TNS3: variants seen among roughly 807,000 people sequenced by gnomAD.
The protein encoded by TNS3 is tensin 3.
TNS3 carries 45 observed loss-of-function variants against 140.9 expected under a neutral mutation model. The observed-to-expected ratio is 0.32, with a 90% CI of 0.25 to 0.41. The LOEUF (loss-of-function observed/expected upper bound fraction) is 0.41, where lower values mean the gene tolerates loss of function less well. Among genes scored for constraint, TNS3 ranks in the 10% least tolerant of loss-of-function variants. The probability of loss-of-function intolerance (pLI) is 1.00; values close to 1 mark genes in which losing one functional copy is unlikely to be tolerated. For missense variants in TNS3, 1,716 were observed against 1,906.7 expected (o/e 0.90, Z 1.86); for synonymous variants, 815 against 788.4 (o/e 1.03, Z -0.56).
intron 20 of TNS3, among the ~76,000 whole-genome samples, chr7:47,336,945 C>T (rs1788666872): frequency 6.6e-6 from 1 of 152,120 alleles, no homozygotes; most frequent in Non-Finnish European, 1.5e-5. Flanking sequence ...TAGGCCTCAA[C>T]ATTGGCCTTC....
chr7:47,349,180 A>G (rs529952021), intron 17 of TNS3, among the ~76,000 whole-genome samples: 1 of 152,344 alleles, frequency 6.6e-6, no homozygotes, highest in Non-Finnish European at 1.5e-5. Context: ...TTACAACGAA[A>G]AACAATGTTC....
intron 15 of TNS3, among the ~76,000 whole-genome samples, chr7:47,399,593 A>G (rs1473382672): frequency 2.6e-5 from 4 of 152,242 alleles, no homozygotes; most frequent in Non-Finnish European, 4.4e-5. Context: ...TATTTAACAA[A>G]TGGTGCTGGG....
In TNS3 at chr7:47,504,778, T is replaced by A. The variant is rs116928833; in HGVS notation, c.-115+2129A>T. Among the ~76,000 whole-genome samples, 1,400 of 152,262 alleles carry A rather than the reference T, an allele frequency of 9.2e-3. 6 individuals carry two copies. The highest frequency in any genetic ancestry group is 0.017 in the Middle Eastern group (5 of 294). On this transcript the variant is annotated intron_variant, in intron 3 of 30. Coordinates refer to ENST00000311160, the MANE Select transcript of TNS3 (RefSeq NM_022748.12). ...ATCCCCAACAACGACGGCATTATAT[T>A]TTTGGAATGAGAAGGTGCTTTGTTA...
intron 20 of TNS3, among the ~76,000 whole-genome samples, chr7:47,342,246 A>G (rs1458327866): frequency 2.6e-5 from 4 of 152,180 alleles, no homozygotes; most frequent in African/African-American, 9.6e-5. Flanking sequence ...CCAAGGTTTT[A>G]AGTTGTACTT....
At chr7:47,523,653 T>A (rs1334432336) in intron 2 of TNS3, among the ~76,000 whole-genome samples, 2 of 152,164 alleles carry the variant, frequency 1.3e-5, no homozygotes, top group Non-Finnish European at 2.9e-5. Context: ...GCGGTGGCCC[T>A]CCTTCCTCCA....
rs1793530567 is a variant in TNS3 at position 47,407,806 on chromosome 7, A to G, written c.723+3921T>C. On this transcript the variant is annotated intron_variant, in intron 13 of 30. Transcript: ENST00000311160. This position sits in a 1 kb window ranked among gnomAD's most constrained non-coding sequence, Gnocchi z 4.1. Reference sequence around the variant, plus strand: ...GTGAGGACACAGGGAGAAGACAGCCACCTCCAGGTCAAGGAGAGAGGCCTC... The same window carrying G: ...GTGAGGACACAGGGAGAAGACAGCCGCCTCCAGGTCAAGGAGAGAGGCCTC... Among the ~76,000 whole-genome samples the G allele has an allele frequency of 6.6e-6, 1 of 152,132 alleles. No homozygotes were observed. Among genetic ancestry groups the G allele is most frequent in the Non-Finnish European group, 1.5e-5 (1 of 68,000 alleles).
intron 16 of TNS3, among the ~76,000 whole-genome samples, chr7:47,388,143 T>A (rs1792179384): frequency 1.3e-5 from 2 of 152,166 alleles, no homozygotes; most frequent in Non-Finnish European, 2.9e-5. Flanking sequence ...CATCTGGGAA[T>A]AGGGGCTTGA....
At chr7:47,293,689 CTCATGAGTTCAGA>C in intron 25 of TNS3, 31 bp downstream of exon 25, 1 of 1,568,764 alleles carries the variant, frequency 6.4e-7, no homozygotes, top group South Asian at 1.1e-5. Context: ...GAATCCAGGC[CTCATGAGTTCAGA>C]ACATTGACAG....
intron 1 of TNS3, among the ~76,000 whole-genome samples, chr7:47,537,336 C>T (rs1363519827): frequency 6.6e-6 from 1 of 152,174 alleles, no homozygotes; most frequent in Non-Finnish European, 1.5e-5. Flanking sequence ...AGTCAGACGC[C>T]GGGAACAAAA....
intron 16 of TNS3, among the ~76,000 whole-genome samples, chr7:47,388,355 C>T (rs909975487): frequency 3.9e-5 from 6 of 152,176 alleles, no homozygotes; most frequent in Non-Finnish European, 8.8e-5. Flanking sequence ...TCAGGGAATC[C>T]ACCAACAGAA....
intron 17 of TNS3, among the ~76,000 whole-genome samples, chr7:47,366,516 C>T (rs999374224): frequency 2.0e-5 from 3 of 152,190 alleles, no homozygotes; most frequent in African/African-American, 4.8e-5. Context: ...TTCACAGAGA[C>T]GCTGCCCTTT....
At chr7:47,319,582 C>T (rs1787610509) in intron 20 of TNS3, among the ~76,000 whole-genome samples, 1 of 152,150 alleles carries the variant, frequency 6.6e-6, no homozygotes, top group South Asian at 2.1e-4. Context: ...TCAATGACTG[C>T]ACCATGGAAG....
At chr7:47,441,074 AAAGAT>A (rs1158145877) in intron 5 of TNS3, among the ~76,000 whole-genome samples, 2 of 152,346 alleles carry the variant, frequency 1.3e-5, no homozygotes, top group South Asian at 4.1e-4. Flanking sequence ...TTTATTTCTA[AAAGAT>A]AAGGGCACTT....
rs145677778 is a variant in TNS3 at position 47,414,354 on chromosome 7, G to A, written c.587-357C>T. Among the ~76,000 whole-genome samples the A allele has an allele frequency of 8.0e-3, 1,219 of 152,332 alleles. 17 individuals carry two copies. Among genetic ancestry groups the A allele is most frequent in the African/African-American group, 0.028 (1,171 of 41,570 alleles). ...AGAGACAATAGAAACCTCTGAGCAAGCACCTGCATGCGACTGGCGAGGAAG... is the reference window on the plus strand; with the variant it reads ...AGAGACAATAGAAACCTCTGAGCAAACACCTGCATGCGACTGGCGAGGAAG... On this transcript the variant is annotated intron_variant, in intron 11 of 30. Coordinates refer to ENST00000311160, the MANE Select transcript of TNS3 (RefSeq NM_022748.12).
chr7:47,440,235 C>A (rs1438885955), intron 5 of TNS3, among the ~76,000 whole-genome samples: 1 of 152,236 alleles, frequency 6.6e-6, no homozygotes, highest in East Asian at 1.9e-4. Flanking sequence ...GAGGACCCTG[C>A]AGGCCCAAGA....
intron 20 of TNS3, among the ~76,000 whole-genome samples, chr7:47,329,415 G>A (rs547455797): frequency 2.6e-5 from 4 of 152,210 alleles, no homozygotes; most frequent in African/African-American, 9.6e-5. Context: ...AGCCTGAGCC[G>A]AGCCATTGGC....
At chr7:47,568,586 C>T (rs1429817463) in intron 1 of TNS3, among the ~76,000 whole-genome samples, 1 of 152,270 alleles carries the variant, frequency 6.6e-6, no homozygotes, top group African/African-American at 2.4e-5. Context: ...CAGGGCCTCA[C>T]ACACAGTCAA....
chr7:47,389,121 A>T (rs866668967), intron 16 of TNS3, among the ~76,000 whole-genome samples: 1 of 8,060 alleles, frequency 1.2e-4, no homozygotes. Context: ...GAAGAAGAAG[A>T]AGAAGAAGAA....
chr7:47,471,526 GC>G (rs1796953761), intron 4 of TNS3, among the ~76,000 whole-genome samples: 1 of 152,216 alleles, frequency 6.6e-6, no homozygotes, highest in South Asian at 2.1e-4. Context: ...GCACCCGCGG[GC>G]CCTGCCAGCC....
Sources: allele counts gnomAD v4.1 joint callset (sites outside exome capture counted in the v4.1 genomes callset), GRCh38; gene constraint gnomAD v4.1.1; non-coding constraint Gnocchi (gnomAD v3.1); transcripts MANE v1.5; gene names NCBI Gene and HGNC (gene_info 2026-07-23, HGNC 2026-07-21).